The following FLCN variants were observed in gnomAD, a reference collection of about 807,000 sequenced individuals.
The protein encoded by FLCN is folliculin.
A neutral mutation model predicts 62.5 loss-of-function variants in FLCN; 22 were observed. That is an observed-to-expected ratio of 0.35 (90% CI 0.25 to 0.50). The LOEUF is 0.50. FLCN is among the 20% of genes least tolerant of loss of function. The probability of loss-of-function intolerance (pLI) is 0.97; values close to 1 mark genes in which losing one functional copy is unlikely to be tolerated. For missense variants in FLCN, 657 were observed against 778.0 expected (o/e 0.84, Z 1.85); for synonymous variants, 319 against 310.0 (o/e 1.03, Z -0.30).
At chr17:17,217,799 G>A (rs1024542377) in intron 9 of FLCN, 2 of 170,004 alleles carry the variant, frequency 1.2e-5, no homozygotes, top group Non-Finnish European at 2.6e-5. Flanking sequence ...CACCTTAGGA[G>A]AGTCCAGCCT....
chr17:17,221,882 G>A (rs748813618), intron 7 of FLCN, among the ~76,000 whole-genome samples: 18 of 152,156 alleles, frequency 1.2e-4, no homozygotes, highest in South Asian at 2.1e-4. Context: ...GACTTGGGGC[G>A]CTGCTCCGAT....
At chr17:17,223,045 G>C (rs2047142581) in intron 6 of FLCN, 3 of 352,866 alleles carry the variant, frequency 8.5e-6, no homozygotes, top group South Asian at 7.0e-5. Flanking sequence ...GACAAACAAG[G>C]CCCTCAGCAC....
chr17:17,227,423 G>A (rs1385169249), intron 4 of FLCN, among the ~76,000 whole-genome samples: 2 of 152,164 alleles, frequency 1.3e-5, no homozygotes, highest in African/African-American at 4.8e-5. Flanking sequence ...GGTTAAAGAA[G>A]TTAACATAGG....
At position 17,222,511 on chromosome 17, in the gene FLCN, A is replaced by G; in HGVS notation, c.769T>C (p.Ser257Pro). Residue 257 changes from serine (S) to proline (P), a missense_variant, in exon 7 of 14, where the codon TCC becomes CCC. Physicochemically the swap from Ser to Pro is moderately conservative, Grantham distance 74 (BLOSUM62 -1). Coordinates refer to ENST00000285071, the MANE Select transcript of FLCN (RefSeq NM_144997.7). Reference protein sequence around the residue: ...DDNLWACLHTSFAWLLKACGS... With the variant: ...DDNLWACLHTPFAWLLKACGS... ...AGAGACGCCCGTTACCAGGCAAAGG[A>G]GGTGTGCAGGCACGCCCACAGGTTG... is the stretch of plus-strand genomic sequence containing the variant. 1.2e-6 allele frequency: 2 copies of G among 1,614,190 alleles called. No homozygotes were observed. The highest frequency in any genetic ancestry group is 1.7e-6 in the Non-Finnish European group (2 of 1,180,028).
Position 17,216,988 on chromosome 17 carries a change from G to A in FLCN, c.1176+81C>T. 3.9e-6 allele frequency: 4 copies of A among 1,034,644 alleles called. No individual in the cohort carries two copies. Among genetic ancestry groups the A allele is most frequent in the Non-Finnish European group, 6.1e-6 (4 of 661,148 alleles). The allele number at this position is 1,034,644 out of a possible 1,614,324, so 64.1% of individuals were successfully genotyped here. A position where few individuals can be genotyped will look rare whatever the true frequency, so the allele number is the denominator to read the frequency against. ...AGCGGTTCTGTGCTGGGCAGTCGGTGCACCTTGGCATCCCCACCTGACGCC... is the reference window on the plus strand; with the variant it reads ...AGCGGTTCTGTGCTGGGCAGTCGGTACACCTTGGCATCCCCACCTGACGCC... On this transcript the variant is annotated intron_variant, in intron 10 of 13. Transcript: ENST00000285071. The surrounding 1 kb of genome is among the most constrained non-coding windows in gnomAD (Gnocchi z 4.0).
At chr17:17,222,992 A>G in intron 6 of FLCN, 1 of 409,224 alleles carries the variant, frequency 2.4e-6, no homozygotes, top group Non-Finnish European at 4.7e-6. Flanking sequence ...TGGGTGCACT[A>G]CTTGGCTAAG....
intron 6 of FLCN, among the ~76,000 whole-genome samples, chr17:17,223,366 T>C (rs1272345218): frequency 1.3e-5 from 2 of 152,234 alleles, no homozygotes; most frequent in Non-Finnish European, 2.9e-5. Flanking sequence ...GTGCTGGGAT[T>C]ACAGGCGTGA....
chr17:17,233,549 A>G (rs1438112075), intron 1 of FLCN, among the ~76,000 whole-genome samples: 3 of 143,980 alleles, frequency 2.1e-5, no homozygotes, highest in African/African-American at 7.7e-5. Flanking sequence ...CAGTGAGCCA[A>G]GATCACGGCA....
chr17:17,222,373 A>C, intron 7 of FLCN, 128 bp downstream of exon 7: 1 of 1,324,398 alleles, frequency 7.6e-7, no homozygotes, highest in Admixed American at 2.0e-5. Flanking sequence ...CCCACAGGCC[A>C]GTGCTCCTCA....
intron 11 of FLCN, among the ~76,000 whole-genome samples, chr17:17,215,743 C>T (rs1236917065): frequency 3.9e-5 from 6 of 152,154 alleles, no homozygotes; most frequent in South Asian, 2.1e-4. Flanking sequence ...GGCACTGCCT[C>T]GCAGGGAGTC....
intron 8 of FLCN, chr17:17,221,153 G>T: frequency 7.0e-7 from 1 of 1,428,480 alleles, no homozygotes; most frequent in South Asian, 1.4e-5. Flanking sequence ...TGCCCTTCAT[G>T]GAAAACTTGG....
rs1056162700 is a variant in FLCN, at chr17:17,216,621, T to C, written c.1177-118A>G. 2 of 1,495,018 alleles carry C rather than the reference T, an allele frequency of 1.3e-6. No homozygotes were observed. The highest frequency in any genetic ancestry group is 9.0e-7 in the Non-Finnish European group (1 of 1,107,336). The allele number at this position is 1,495,018 out of a possible 1,614,324, so 92.6% of individuals were successfully genotyped here. A position where few individuals can be genotyped will look rare whatever the true frequency, so the allele number is the denominator to read the frequency against. On this transcript the variant is annotated intron_variant, in intron 10 of 13. Transcript: ENST00000285071. The surrounding 1 kb of genome is among the most constrained non-coding windows in gnomAD (Gnocchi z 4.0). ...GCAGCCCGGTCCAAGCCCTCCCTCC[T>C]GCCAGAGGAGTCCCCAGACTCTCAG...
In FLCN at chr17:17,219,219, A is replaced by G. The variant is rs1171499263; in HGVS notation, c.872-10T>C. 1 of 1,613,496 alleles carries G rather than the reference A, an allele frequency of 6.2e-7. No homozygotes were observed. The highest frequency in any genetic ancestry group is 1.1e-5 in the South Asian group (1 of 91,088). On this transcript the variant is annotated splice_polypyrimidine_tract_variant and intron_variant, in intron 8 of 13. Coordinates refer to ENST00000285071, the MANE Select transcript of FLCN (RefSeq NM_144997.7). ...GATTCCTCTTCTAAATCTGCAAGAC[A>G]GATGACAAGGACAGTTACAGATACA...
At position 17,225,910 on chromosome 17, in the gene FLCN, TAAAG is replaced by T. The variant is rs776426663; in HGVS notation, c.396+262_396+265del. The T allele has an allele frequency of 6.3e-4, 377 of 598,378 alleles. 2 individuals are homozygous for T. Among genetic ancestry groups the T allele is most frequent in the Middle Eastern group, 2.3e-3 (7 of 2,992 alleles). 37.1% of individuals were successfully genotyped at this position (598,378 alleles called of 1,614,324 possible). On this transcript the variant is annotated intron_variant, in intron 5 of 13. Transcript: ENST00000285071. ...GAAGGAAAAAAGAAAACAATAATAATAAAGAAAGGACAAATAATAAAAGTTCGGT... is the reference window on the plus strand; with the variant it reads ...GAAGGAAAAAAGAAAACAATAATAATAAAGGACAAATAATAAAAGTTCGGT...
intron 3 of FLCN, chr17:17,231,379 T>G (rs914179858): frequency 6.6e-6 from 1 of 152,124 alleles, no homozygotes; most frequent in Non-Finnish European, 1.5e-5. Context: ...TGGGTGTGGC[T>G]GGCAGGGAAT....
chr17:17,235,790 G>A (rs528629334), intron 1 of FLCN: 1 of 152,348 alleles, frequency 6.6e-6, no homozygotes, highest in African/African-American at 2.4e-5. Flanking sequence ...AAAACAAACT[G>A]GTTTGAGTGT....
chr17:17,222,781 C>T lies in FLCN; in HGVS notation c.619-120G>A, dbSNP rs1450809401. On this transcript the variant is annotated intron_variant, in intron 6 of 13. Transcript: ENST00000285071. ...TGGAGGATCAGTCCCACTATACTCT[C>T]TCCATGCAGAGCACACAAAGTGCCA... 4 of 1,180,488 alleles carry T rather than the reference C, an allele frequency of 3.4e-6. No individual in the cohort carries two copies. The African/African-American group carries it at 6.0e-5, about 18-fold the overall frequency. The allele number at this position is 1,180,488 out of a possible 1,614,324, so 73.1% of individuals were successfully genotyped here.
At chr17:17,214,274 G>A (rs1456510993) in intron 13 of FLCN, among the ~76,000 whole-genome samples, 2 of 150,690 alleles carry the variant, frequency 1.3e-5, no homozygotes, top group Non-Finnish European at 2.9e-5. Flanking sequence ...GAGGCAGGAG[G>A]AAATAAAGTA....
intron 4 of FLCN, among the ~76,000 whole-genome samples, chr17:17,226,885 A>C (rs1288789974): frequency 6.6e-6 from 1 of 152,190 alleles, no homozygotes; most frequent in Non-Finnish European, 1.5e-5. Context: ...AGCCACTCCG[A>C]TGCTGAGGCT....
Sources: gnomAD v4.1 joint callset for allele counts (sites outside exome capture counted in the v4.1 genomes callset) on GRCh38, gnomAD v4.1.1 for gene constraint, Gnocchi (gnomAD v3.1) non-coding constraint, MANE v1.5 for transcripts, NCBI Gene and HGNC (gene_info 2026-07-23, HGNC 2026-07-21) for gene names.